RILPL1: variants seen among roughly 807,000 people sequenced by gnomAD.
RILPL1 encodes the protein Rab interacting lysosomal protein like 1.
A neutral mutation model predicts 50.3 loss-of-function variants in RILPL1; 33 were observed. The observed-to-expected ratio is 0.66, with a 90% CI of 0.50 to 0.88. RILPL1 has a LOEUF of 0.88. RILPL1 is among the 40% of genes least tolerant of loss of function. The pLI is 0.00. For missense variants in RILPL1, 418 were observed against 542.5 expected (o/e 0.77, Z 2.28); for synonymous variants, 205 against 228.6 (o/e 0.90, Z 0.93).
chr12:123,498,820 G>A lies in RILPL1; in HGVS notation c.580-55C>T. 6.5e-7 allele frequency: 1 copy of A among 1,533,632 alleles called. No homozygotes were observed. The highest frequency in any genetic ancestry group is 9.0e-7 in the Non-Finnish European group (1 of 1,115,764). The stretch of plus-strand genomic sequence containing the variant: ...GCTGCCACCTGCGGTAGCTCAGGTT[G>A]TACACTGCACAACGGCAAACCATCC... On this transcript the variant is annotated intron_variant, in intron 3 of 6. Coordinates refer to ENST00000376874, the MANE Select transcript of RILPL1 (RefSeq NM_178314.5). This position sits in a 1 kb window ranked among gnomAD's most constrained non-coding sequence, Gnocchi z 4.3.
Position 123,498,803 on chromosome 12 carries a change from C to A in RILPL1, c.580-38G>T. 6.3e-7 allele frequency: 1 copy of A among 1,589,384 alleles called. No homozygotes were observed. Among genetic ancestry groups the A allele is most frequent in the African/African-American group, 1.3e-5 (1 of 74,730 alleles). On this transcript the variant is annotated intron_variant, in intron 3 of 6. Transcript: ENST00000376874. This position sits in a 1 kb window ranked among gnomAD's most constrained non-coding sequence, Gnocchi z 4.3. ...GGAGACCATTGTGCGGGGCTGCCACCTGCGGTAGCTCAGGTTGTACACTGC... is the reference window on the plus strand; with the variant it reads ...GGAGACCATTGTGCGGGGCTGCCACATGCGGTAGCTCAGGTTGTACACTGC...
chr12:123,505,223 G>T (rs1883663367), intron 2 of RILPL1, among the ~76,000 whole-genome samples: 2 of 152,114 alleles, frequency 1.3e-5, no homozygotes, highest in African/African-American at 4.8e-5. Flanking sequence ...GTAGAGACAG[G>T]ATTTCACCAT....
At chr12:123,532,453 G>A (rs1885466912) in intron 1 of RILPL1, among the ~76,000 whole-genome samples, 1 of 152,122 alleles carries the variant, frequency 6.6e-6, no homozygotes, top group African/African-American at 2.4e-5. Context: ...CGGGGGCTGG[G>A]ACTCTCTCAC....
At chr12:123,500,859 C>G (rs2139342336) in intron 2 of RILPL1, among the ~76,000 whole-genome samples, 1 of 151,902 alleles carries the variant, frequency 6.6e-6, no homozygotes, top group African/African-American at 2.4e-5. Context: ...AATGCCAGCA[C>G]TTTGGGAGGC....
chr12:123,498,541 C>A lies in RILPL1; in HGVS notation c.801+3G>T. 6.2e-7 allele frequency: 1 copy of A among 1,612,762 alleles called. No individual in the cohort carries two copies. The highest frequency in any genetic ancestry group is 2.2e-5 in the East Asian group (1 of 44,882). On this transcript the variant is annotated splice_donor_region_variant and intron_variant, in intron 4 of 6. Coordinates refer to ENST00000376874, the MANE Select transcript of RILPL1 (RefSeq NM_178314.5). The surrounding 1 kb of genome is among the most constrained non-coding windows in gnomAD (Gnocchi z 4.3). ...CCACCTCTGCACCCAGCTTCCTGCT[C>A]ACCTCAGGCTCCTCCTCCCCATTCT... is the stretch of plus-strand genomic sequence containing the variant.
At chr12:123,527,694 T>C (rs1885309136) in intron 1 of RILPL1, among the ~76,000 whole-genome samples, 2 of 151,984 alleles carry the variant, frequency 1.3e-5, no homozygotes, top group Non-Finnish European at 2.9e-5. Context: ...GGGGAGATGA[T>C]TCTGGATTAT....
Position 123,470,746 on chromosome 12 carries a change from T to G in RILPL1, c.*1792A>C, listed in dbSNP as rs1372975063. 6.6e-6 allele frequency: 1 copy of G among 152,166 alleles called. No homozygotes were observed. Among genetic ancestry groups the G allele is most frequent in the Non-Finnish European group, 1.5e-5 (1 of 68,054 alleles). 9.4% of individuals were successfully genotyped at this position (152,166 alleles called of 1,614,324 possible). A position where few individuals can be genotyped will look rare whatever the true frequency, so the allele number is the denominator to read the frequency against. On this transcript the variant is annotated 3_prime_UTR_variant, in exon 7 of 7. Coordinates refer to ENST00000376874, the MANE Select transcript of RILPL1 (RefSeq NM_178314.5). ...TTGCAGTGAGCAGAGATGGTGCCAC[T>G]ATACTTTGGCTTGGGCAATAGAGCA...
intron 2 of RILPL1, among the ~76,000 whole-genome samples, chr12:123,510,855 GGTGTGTGAGGTCTGTGTGCAGTGT>G (rs1359564182): frequency 1.1e-4 from 14 of 131,860 alleles, no homozygotes; most frequent in African/African-American, 4.0e-4. Context: ...GTGTGTGTGT[GGTGTGTGAGGTCTGTGTGCAGTGT>G]GTGTGTGAGG....
intron 6 of RILPL1, among the ~76,000 whole-genome samples, chr12:123,478,007 T>G (rs1420514057): frequency 1.4e-5 from 2 of 142,076 alleles, no homozygotes; most frequent in African/African-American, 5.3e-5. Flanking sequence ...TTTTTTTTTT[T>G]TTTTTTTCAG....
At chr12:123,497,865 G>T (rs1308755268) in intron 4 of RILPL1, among the ~76,000 whole-genome samples, 1 of 152,174 alleles carries the variant, frequency 6.6e-6, no homozygotes, top group South Asian at 2.1e-4. Context: ...TCATGTAAAA[G>T]TTTGAACACC....
intron 2 of RILPL1, among the ~76,000 whole-genome samples, chr12:123,509,323 G>T (rs1352090637): frequency 2.0e-5 from 3 of 152,184 alleles, no homozygotes; most frequent in African/African-American, 7.2e-5. Flanking sequence ...CTGCACTTTG[G>T]GAGGCTGAGG....
At chr12:123,492,809 C>T (rs1279240050) in intron 4 of RILPL1, among the ~76,000 whole-genome samples, 1 of 151,966 alleles carries the variant, frequency 6.6e-6, no homozygotes, top group Non-Finnish European at 1.5e-5. Flanking sequence ...GCTGTGTCCA[C>T]TCAGGGTTAA....
At position 123,475,652 on chromosome 12, in the gene RILPL1, A is replaced by G. The variant is rs148167433; in HGVS notation, c.1068-2970T>C. 4.1e-4 allele frequency: 644 copies of G among 1,564,370 alleles called. 7 individuals carry two copies. The African/African-American group carries it at 8.0e-3, about 19-fold the overall frequency. ...AGCTCAAACAAAACCCAAAACACAC[A>G]CAGTGCCTACAAGGGAAACAAGTCG... is the stretch of plus-strand genomic sequence containing the variant. On this transcript the variant is annotated intron_variant, in intron 6 of 6. Coordinates refer to ENST00000376874, the MANE Select transcript of RILPL1 (RefSeq NM_178314.5).
intron 6 of RILPL1, among the ~76,000 whole-genome samples, chr12:123,482,585 TTTTC>T (rs997997703): frequency 4.0e-5 from 6 of 151,880 alleles, no homozygotes; most frequent in East Asian, 3.9e-4. Context: ...AAGGGCATCA[TTTTC>T]TTTCTTTCTT....
chr12:123,507,178 C>T (rs763665144), intron 2 of RILPL1, among the ~76,000 whole-genome samples: 20 of 152,150 alleles, frequency 1.3e-4, no homozygotes, highest in Non-Finnish European at 2.6e-4. Flanking sequence ...GCAACTGTAT[C>T]GTGGGGGGCC....
chr12:123,519,347 G>A (rs968176565), intron 2 of RILPL1: 4 of 152,154 alleles, frequency 2.6e-5, no homozygotes, highest in Admixed American at 2.0e-4. Context: ...ACAAGTTTCT[G>A]CGCGCTGCCC....
intron 6 of RILPL1, among the ~76,000 whole-genome samples, chr12:123,482,164 G>T (rs1346488549): frequency 6.6e-6 from 1 of 152,062 alleles, no homozygotes; most frequent in East Asian, 1.9e-4. Context: ...GAGCTACTGC[G>T]CCTGGCCTCC....
chr12:123,503,145 C>CA, intron 2 of RILPL1, among the ~76,000 whole-genome samples: 1 of 146,904 alleles, frequency 6.8e-6, no homozygotes, highest in South Asian at 2.2e-4. Context: ...CTTGGCCTCC[C>CA]AAAGTGCTGG....
At chr12:123,493,479 T>C (rs968939715) in intron 4 of RILPL1, among the ~76,000 whole-genome samples, 6 of 152,190 alleles carry the variant, frequency 3.9e-5, no homozygotes, top group African/African-American at 1.4e-4. Context: ...TATTTCTTTC[T>C]CTATACTTTG....
Sources: allele counts gnomAD v4.1 joint callset (sites outside exome capture counted in the v4.1 genomes callset), GRCh38; gene constraint gnomAD v4.1.1; non-coding constraint Gnocchi (gnomAD v3.1); transcripts MANE v1.5; gene names NCBI Gene and HGNC (gene_info 2026-07-23, HGNC 2026-07-21).